The following CNTN5 variants were observed in gnomAD, a reference collection of about 807,000 sequenced individuals.
CNTN5 encodes contactin 5, also known as contactin-5.
A neutral mutation model predicts 129.1 loss-of-function variants in CNTN5; 77 were observed. The observed-to-expected ratio is 0.60, with a 90% confidence interval of 0.50 to 0.72. The LOEUF is 0.72. CNTN5 is among the 30% of genes least tolerant of loss of function. The pLI is 0.00. For synonymous variants in CNTN5, 509 were observed against 465.6 expected, an observed-to-expected ratio of 1.09 and a Z score of -1.20; for missense variants, 1,478 against 1,328.8, an observed-to-expected ratio of 1.11 and a Z score of -1.75.
At chr11:99,908,573 T>A (rs866096055) in intron 6 of CNTN5, among the ~76,000 whole-genome samples, 29 of 152,078 alleles carry the variant, frequency 1.9e-4, no homozygotes, top group African/African-American at 7.0e-4. Flanking sequence ...TTTATGTAGA[T>A]GTTAGAAATT....
chr11:99,765,780 G>C (rs1010601407), intron 3 of CNTN5, among the ~76,000 whole-genome samples: 2 of 151,604 alleles, frequency 1.3e-5, no homozygotes, highest in Non-Finnish European at 2.9e-5. Context: ...CCCTCTAGAA[G>C]GGTACACAAA....
At chr11:99,437,604 G>A (rs1262228703) in intron 2 of CNTN5, among the ~76,000 whole-genome samples, 1 of 152,080 alleles carries the variant, frequency 6.6e-6, no homozygotes, top group East Asian at 1.9e-4. Flanking sequence ...GAGGCGGGTG[G>A]ATCACCTGAG....
At chr11:99,368,481 T>TAA (rs561296203) in intron 2 of CNTN5, among the ~76,000 whole-genome samples, 38 of 143,566 alleles carry the variant, frequency 2.6e-4, no homozygotes, top group African/African-American at 9.1e-4. Flanking sequence ...TGTCTTAAAT[T>TAA]AAAAAAAAAA....
At chr11:99,515,704 A>G (rs1947021082) in intron 2 of CNTN5, among the ~76,000 whole-genome samples, 1 of 152,038 alleles carries the variant, frequency 6.6e-6, no homozygotes, top group Non-Finnish European at 1.5e-5. Flanking sequence ...CAAGATCAGC[A>G]TTAAACCATA....
intron 2 of CNTN5, among the ~76,000 whole-genome samples, chr11:99,333,046 T>C (rs916608913): frequency 6.6e-6 from 1 of 152,050 alleles, no homozygotes; most frequent in Non-Finnish European, 1.5e-5. Flanking sequence ...GCATAATAAA[T>C]TGTCCAAAAA....
intron 2 of CNTN5, among the ~76,000 whole-genome samples, chr11:99,377,763 G>A (rs1940275896): frequency 6.9e-6 from 1 of 144,228 alleles, no homozygotes; most frequent in African/African-American, 2.5e-5. Flanking sequence ...CACTGTGAGA[G>A]CAGAGATGTA....
chr11:100,342,356 C>T (rs192529431), intron 23 of CNTN5, among the ~76,000 whole-genome samples: 6 of 152,014 alleles, frequency 3.9e-5, no homozygotes, highest in South Asian at 4.1e-4. Flanking sequence ...GGATAGCAGG[C>T]GAGAAATATG....
chr11:99,241,235 C>T (rs1047744241), intron 1 of CNTN5, among the ~76,000 whole-genome samples: 2 of 151,276 alleles, frequency 1.3e-5, no homozygotes, highest in East Asian at 1.9e-4. Flanking sequence ...CAATACTGTC[C>T]GTAAAATGCC....
At chr11:99,382,400 A>T (rs1940621991) in intron 2 of CNTN5, among the ~76,000 whole-genome samples, 1 of 152,190 alleles carries the variant, frequency 6.6e-6, no homozygotes, top group African/African-American at 2.4e-5. Flanking sequence ...CAGAGAGAAA[A>T]GTGAAAATAT....
At chr11:99,758,634 G>C (rs770180045) in intron 3 of CNTN5, among the ~76,000 whole-genome samples, 1 of 151,954 alleles carries the variant, frequency 6.6e-6, no homozygotes, top group Non-Finnish European at 1.5e-5. Flanking sequence ...ACACAGAAAA[G>C]AATACTTAGA....
At chr11:99,807,382 G>C (rs1209372228) in intron 3 of CNTN5, among the ~76,000 whole-genome samples, 1 of 152,094 alleles carries the variant, frequency 6.6e-6, no homozygotes, top group Admixed American at 6.6e-5. Context: ...TTCCTGTTTG[G>C]TTATATATGA....
intron 3 of CNTN5, among the ~76,000 whole-genome samples, chr11:99,669,342 A>G (rs1952933653): frequency 6.6e-6 from 1 of 152,128 alleles, no homozygotes; most frequent in Admixed American, 6.6e-5. Flanking sequence ...ATTGTAGTCT[A>G]CTTATGCAAC....
At chr11:99,406,408 TCTCTCTC>T (rs1942069084) in intron 2 of CNTN5, among the ~76,000 whole-genome samples, 4 of 129,754 alleles carry the variant, frequency 3.1e-5, no homozygotes, top group Non-Finnish European at 4.8e-5. Context: ...AGTCTCTCTC[TCTCTCTC>T]TCTGTTCTGA....
intron 4 of CNTN5, among the ~76,000 whole-genome samples, chr11:99,825,322 A>G (rs367832840): frequency 5.1e-4 from 78 of 151,996 alleles, no homozygotes; most frequent in Admixed American, 2.5e-3. Context: ...TGTGATTACC[A>G]TTAACTTAGT....
chr11:99,153,815 C>CTTTTTTTTTTT (rs60782977), intron 1 of CNTN5, among the ~76,000 whole-genome samples: 8 of 103,346 alleles, frequency 7.7e-5, no homozygotes, highest in Admixed American at 2.3e-4. Flanking sequence ...CTTTGAATGG[C>CTTTTTTTTTTT]TTTTTTTTTT....
chr11:99,145,938 T>C (rs886161175), intron 1 of CNTN5, among the ~76,000 whole-genome samples: 1 of 152,122 alleles, frequency 6.6e-6, no homozygotes, highest in African/African-American at 2.4e-5. Flanking sequence ...AGTGTAAGTA[T>C]GTTGATTTTT....
At position 99,704,381 on chromosome 11, in the gene CNTN5, A is replaced by T. The variant is rs576348435; in HGVS notation, c.56-115163A>T. On this transcript the variant is annotated intron_variant, in intron 3 of 24. Coordinates refer to ENST00000524871, the MANE Select transcript of CNTN5 (RefSeq NM_014361.4). ...TTAATTTTTTTCTTTTAATTTAAAA[A>T]GTGAGTTTTGTGAATAGACTTAAGT... Among the ~76,000 whole-genome samples the T allele has an allele frequency of 4.0e-5, 6 of 151,262 alleles. No homozygotes were observed. The South Asian group carries it at 1.2e-3, about 31-fold the overall frequency.
At position 99,845,134 on chromosome 11, in the gene CNTN5, A is replaced by C. The variant is rs1162198756; in HGVS notation, c.449A>C (p.Tyr150Ser). Residue 150 changes from tyrosine (Y) to serine (S), a missense_variant, in exon 6 of 25, where the codon TAC becomes TCC. Transcript: ENST00000524871. ...TEIDLESDYRYSLIDGTFIIS... is the reference protein window; with the variant it reads ...TEIDLESDYRSSLIDGTFIIS... Reference sequence around the variant, plus strand: ...ATAGATCTGGAAAGTGATTATCGCTACAGTTTGATAGATGGCACCTTCATT... The same window carrying C: ...ATAGATCTGGAAAGTGATTATCGCTCCAGTTTGATAGATGGCACCTTCATT... 1 of 1,613,684 alleles carries C rather than the reference A, an allele frequency of 6.2e-7. No individual in the cohort carries two copies. The highest frequency in any genetic ancestry group is 1.3e-5 in the African/African-American group (1 of 74,908).
intron 9 of CNTN5, among the ~76,000 whole-genome samples, chr11:100,030,758 T>C (rs1941665421): frequency 6.6e-6 from 1 of 152,196 alleles, no homozygotes; most frequent in African/African-American, 2.4e-5. Context: ...ACACAAAAGA[T>C]AAAGCATACT....
Sources: gnomAD v4.1 joint callset for allele counts (sites outside exome capture counted in the v4.1 genomes callset) on GRCh38, gnomAD v4.1.1 for gene constraint, MANE v1.5 for transcripts, NCBI Gene and HGNC (gene_info 2026-07-23, HGNC 2026-07-21) for gene names.